Variants in RGPD2 observed in about 807,000 individuals in gnomAD.
The protein encoded by RGPD2 is RANBP2-like and GRIP domain-containing protein 2.
In RGPD2, 2 loss-of-function variants were observed where a neutral mutation model predicts 36.0. The observed-to-expected ratio is 0.06, with a 90% CI of 0.02 to 0.17. The LOEUF (loss-of-function observed/expected upper bound fraction) is 0.17, where lower values mean the gene tolerates loss of function less well. Ranked by LOEUF, RGPD2 falls within the 10% of genes least tolerant of loss-of-function variation. The pLI is 1.00. For synonymous variants in RGPD2, 19 were observed against 163.8 expected (o/e 0.12, Z 6.75); for missense variants, 40 against 464.3 (o/e 0.09, Z 8.40).
At chr2:87,866,962 T>A in the RGPD2 span, among the ~76,000 whole-genome samples, 1 of 152,258 alleles carries the variant, frequency 6.6e-6, no homozygotes, top group Non-Finnish European at 1.5e-5. Context: ...AAGAGGTTCT[T>A]CTCCACCTAA....
the RGPD2 span, among the ~76,000 whole-genome samples, chr2:87,876,438 CATTAGTTTCAAAT>C: frequency 6.6e-6 from 1 of 152,340 alleles, no homozygotes; most frequent in Admixed American, 6.5e-5. Flanking sequence ...TCTTTATCCT[CATTAGTTTCAAAT>C]AACCTGTTGA....
the RGPD2 span, among the ~76,000 whole-genome samples, chr2:87,837,045 A>G: frequency 1.3e-5 from 2 of 152,104 alleles, no homozygotes; most frequent in African/African-American, 4.8e-5. Flanking sequence ...CTATCTATAT[A>G]TGGACCCAAT....
upstream of RGPD2, among the ~76,000 whole-genome samples, chr2:87,827,223 G>C (rs1199807674): frequency 6.6e-6 from 1 of 152,128 alleles, no homozygotes; most frequent in Non-Finnish European, 1.5e-5. Flanking sequence ...GATTTTAAAG[G>C]TATTGGATGC....
chr2:87,906,664 T>C, the RGPD2 span, among the ~76,000 whole-genome samples: 2 of 149,454 alleles, frequency 1.3e-5, no homozygotes, highest in Non-Finnish European at 3.0e-5. Flanking sequence ...GAGGTACCTC[T>C]TGATTATTTT....
intron 22 of RGPD2, among the ~76,000 whole-genome samples, chr2:87,769,459 T>C (rs1685056301): frequency 6.7e-6 from 1 of 149,774 alleles, no homozygotes; most frequent in Non-Finnish European, 1.5e-5. Flanking sequence ...ATGCACATCT[T>C]AGAGTTCTGG....
chr2:87,861,330 A>G, the RGPD2 span, among the ~76,000 whole-genome samples: 10 of 152,124 alleles, frequency 6.6e-5, no homozygotes, highest in African/African-American at 2.4e-4. Flanking sequence ...TAATGGATAC[A>G]TATTTCTTTC....
At chr2:87,824,779 CG>C (rs1489369029) in intron 1 of RGPD2, among the ~76,000 whole-genome samples, 15 of 39,932 alleles carry the variant, frequency 3.8e-4, no homozygotes, top group African/African-American at 6.5e-4. Context: ...CCGGCCAGGC[CG>C]AGGCCGAGGC....
chr2:87,961,898 A>T, the RGPD2 span, among the ~76,000 whole-genome samples: 12 of 145,986 alleles, frequency 8.2e-5, no homozygotes, highest in Admixed American at 8.2e-4. Flanking sequence ...CGCCTGGCAC[A>T]GTGGCTCAAG....
chr2:87,947,328 G>T, the RGPD2 span, among the ~76,000 whole-genome samples: 1 of 152,062 alleles, frequency 6.6e-6, no homozygotes, highest in Admixed American at 6.5e-5. Flanking sequence ...AAATAATGGG[G>T]TTAAAAGAAT....
the RGPD2 span, among the ~76,000 whole-genome samples, chr2:87,951,356 A>G: frequency 6.6e-6 from 1 of 151,864 alleles, no homozygotes; most frequent in African/African-American, 2.4e-5. Context: ...TTAGAACAAG[A>G]AAGTAGCAAG....
At chr2:87,877,825 A>AAAAAAAAAAAAAAAAAAAAAAC in the RGPD2 span, among the ~76,000 whole-genome samples, 1 of 151,420 alleles carries the variant, frequency 6.6e-6, no homozygotes, top group Non-Finnish European at 1.5e-5. Context: ...AAAAAAAAAA[A>AAAAAAAAAAAAAAAAAAAAAAC]AAAAAAAAAA....
chr2:87,772,828 T>A (rs1685168576), intron 21 of RGPD2, among the ~76,000 whole-genome samples: 1 of 150,872 alleles, frequency 6.6e-6, no homozygotes, highest in African/African-American at 2.4e-5. Flanking sequence ...TTACCAAGTA[T>A]CACTGACAGG....
chr2:87,881,829 T>C, the RGPD2 span, among the ~76,000 whole-genome samples: 46 of 152,230 alleles, frequency 3.0e-4, no homozygotes, highest in African/African-American at 9.4e-4. Context: ...TACCTGACAC[T>C]GGGCAGTTTA....
At chr2:87,934,629 CAATT>C in the RGPD2 span, among the ~76,000 whole-genome samples, 2 of 151,334 alleles carry the variant, frequency 1.3e-5, no homozygotes, top group East Asian at 3.9e-4. Flanking sequence ...ATACCTCACC[CAATT>C]GTCAGGTTAA....
chr2:87,836,009 C>G, the RGPD2 span, among the ~76,000 whole-genome samples: 1 of 148,052 alleles, frequency 6.8e-6, no homozygotes, highest in Non-Finnish European at 1.5e-5. Flanking sequence ...CAATTGGTGT[C>G]CTTGAAAGAA....
At chr2:87,824,974 C>CATA (rs1338958292) in intron 1 of RGPD2, 2 of 390,520 alleles carry the variant, frequency 5.1e-6, no homozygotes, top group Admixed American at 4.5e-5. Flanking sequence ...TATGGCCCAC[C>CATA]ATAATTGCCC....
chr2:87,989,589 T>TGCCA, the RGPD2 span: 11 of 439,280 alleles, frequency 2.5e-5, no homozygotes, highest in Non-Finnish European at 4.2e-5. Context: ...TAGATTTTTT[T>TGCCA]AAATCATGAG....
At chr2:87,758,675 C>CTAA in intron 22 of RGPD2, 1 of 517,212 alleles carries the variant, frequency 1.9e-6, no homozygotes, top group East Asian at 3.9e-5. Context: ...TTCTGCCTTG[C>CTAA]TAATAGCAAG....
chr2:87,825,968 G>C, upstream of RGPD2: 1 of 499,486 alleles, frequency 2.0e-6, no homozygotes, highest in East Asian at 4.2e-5. Context: ...CGGGCGCCGT[G>C]GCTCACGCCT....
Sources: allele counts gnomAD v4.1 joint callset (sites outside exome capture counted in the v4.1 genomes callset), GRCh38; gene constraint gnomAD v4.1.1; transcripts MANE v1.5; gene names NCBI Gene and HGNC (gene_info 2026-07-23, HGNC 2026-07-21).